The following RASA3 variants were observed in gnomAD, a reference collection of about 807,000 sequenced individuals.
RASA3 encodes the protein ras GTPase-activating protein 3.
Under a neutral mutation model 110.0 loss-of-function variants are expected in RASA3, and 73 were observed. The ratio of observed to expected loss-of-function variants is 0.66; its 90% CI spans 0.55 to 0.81. The LOEUF (loss-of-function observed/expected upper bound fraction) is 0.81, where lower values mean the gene tolerates loss of function less well. Ranked by LOEUF, RASA3 falls within the 30% of genes least tolerant of loss-of-function variation. The probability of loss-of-function intolerance (pLI) is 0.00; values close to 1 mark genes in which losing one functional copy is unlikely to be tolerated. For missense variants in RASA3, 976 were observed against 1,113.2 expected, an observed-to-expected ratio of 0.88 and a Z score of 1.75; for synonymous variants, 500 against 451.4, an observed-to-expected ratio of 1.11 and a Z score of -1.37.
intron 4 of RASA3, among the ~76,000 whole-genome samples, chr13:114,035,242 G>A (rs1016343782): frequency 1.3e-5 from 2 of 152,240 alleles, no homozygotes; most frequent in South Asian, 2.1e-4. Flanking sequence ...AGGCTACTAA[G>A]AGCAAAAGGG....
At chr13:114,131,705 AGCACACAC>A (rs1489970208) in intron 1 of RASA3, among the ~76,000 whole-genome samples, 1 of 152,226 alleles carries the variant, frequency 6.6e-6, no homozygotes, top group Non-Finnish European at 1.5e-5. Context: ...ACGCCCCACC[AGCACACAC>A]GCACACATGC....
chr13:114,103,832 A>C (rs1594459447), intron 1 of RASA3, among the ~76,000 whole-genome samples: 1 of 23,524 alleles, frequency 4.3e-5, no homozygotes, highest in Non-Finnish European at 7.5e-5. Context: ...CCGACCACAG[A>C]CACCCACCCC....
chr13:113,996,976 C>G (rs1256973718), intron 20 of RASA3, among the ~76,000 whole-genome samples: 1 of 152,360 alleles, frequency 6.6e-6, no homozygotes, highest in Non-Finnish European at 1.5e-5. Flanking sequence ...GAGGTGAGAA[C>G]TGGTGCAGCT....
Position 114,052,075 on chromosome 13 carries a change from AC to A in RASA3, c.253del (p.Val85PhefsTer8). 1 of 1,610,928 alleles carries A rather than the reference AC, an allele frequency of 6.2e-7. No homozygotes were observed. The highest frequency in any genetic ancestry group is 8.5e-7 in the Non-Finnish European group (1 of 1,177,448). ...HLSFYIFDRD[V>X]FRRDSIIGKV... Reference sequence around the variant, plus strand: ...ACCTATGATGGAATCCCTCCGGAAAACGTCTCTATCGAAAATGTAGAAGGAC... The same window carrying A: ...ACCTATGATGGAATCCCTCCGGAAAAGTCTCTATCGAAAATGTAGAAGGAC... On this transcript the variant is annotated frameshift_variant, in exon 3 of 24. Transcript: ENST00000334062. LOFTEE classifies it high-confidence loss of function.
chr13:114,080,461 C>T (rs145708239), intron 1 of RASA3, among the ~76,000 whole-genome samples: 130 of 152,286 alleles, frequency 8.5e-4, no homozygotes, highest in Non-Finnish European at 1.5e-3. Flanking sequence ...CAGCTCCCTC[C>T]AGTCTCCACG....
intron 18 of RASA3, 121 bp from the exon 19 acceptor site, chr13:114,001,053 C>T (rs1431634911): frequency 5.7e-6 from 4 of 696,222 alleles, no homozygotes; most frequent in Non-Finnish European, 1.0e-5. Context: ...TTTTCAATAT[C>T]TTATCATTTT....
Position 114,096,161 on chromosome 13 carries a change from A to G in RASA3, c.56-22324T>C, listed in dbSNP as rs922807638. On this transcript the variant is annotated intron_variant, in intron 1 of 23. Coordinates refer to ENST00000334062, the MANE Select transcript of RASA3 (RefSeq NM_007368.4). This position sits in a 1 kb window ranked among gnomAD's most constrained non-coding sequence, Gnocchi z 5.1. ...CCTGGGTGGCATCGGTGTGCCGGAAAAGGGGTGCTCTCCAGGTGGCCCTGG... is the reference window on the plus strand; with the variant it reads ...CCTGGGTGGCATCGGTGTGCCGGAAGAGGGGTGCTCTCCAGGTGGCCCTGG... Among the ~76,000 whole-genome samples, 12 of 151,972 alleles carry G rather than the reference A, an allele frequency of 7.9e-5. No individual in the cohort carries two copies. Among genetic ancestry groups the G allele is most frequent in the Non-Finnish European group, 1.3e-4 (9 of 67,976 alleles).
intron 14 of RASA3, among the ~76,000 whole-genome samples, chr13:114,013,846 ATCTC>A (rs541590067): frequency 0.26 from 14,839 of 57,722 alleles, 1,734 homozygotes; most frequent in Non-Finnish European, 0.32. Flanking sequence ...CTCTCTCTCC[ATCTC>A]TCTGTCTCTC....
At chr13:114,030,453 G>GACTCAC (rs1566501670) in intron 4 of RASA3, among the ~76,000 whole-genome samples, 11 of 110,184 alleles carry the variant, frequency 1.0e-4, no homozygotes, top group African/African-American at 3.5e-4. Flanking sequence ...CAGAGGGCAA[G>GACTCAC]GCTCACACAG....
intron 1 of RASA3, among the ~76,000 whole-genome samples, chr13:114,088,925 C>A (rs1395251054): frequency 6.6e-6 from 1 of 152,110 alleles, no homozygotes; most frequent in Admixed American, 6.5e-5. Flanking sequence ...ATTATGGAAA[C>A]AAAGTAGAGA....
intron 22 of RASA3, among the ~76,000 whole-genome samples, chr13:113,991,863 T>C (rs1330728504): frequency 1.3e-5 from 2 of 152,210 alleles, no homozygotes; most frequent in South Asian, 2.1e-4. Flanking sequence ...CACAAATTCA[T>C]GCATGCTCAC....
At chr13:114,022,168 G>A (rs1406190008) in intron 8 of RASA3, among the ~76,000 whole-genome samples, 3 of 152,278 alleles carry the variant, frequency 2.0e-5, no homozygotes, top group South Asian at 4.1e-4. Context: ...CACGGTCCAC[G>A]AATCTCCGTG....
At chr13:113,992,740 C>T (rs567832159) in intron 21 of RASA3, 152 bp from the exon 22 acceptor site, 6 of 673,866 alleles carry the variant, frequency 8.9e-6, no homozygotes, top group Non-Finnish European at 1.3e-5. Context: ...CGTCTGTGCA[C>T]AGCCGGTGTG....
At chr13:114,090,827 G>A (rs916051494) in intron 1 of RASA3, among the ~76,000 whole-genome samples, 22 of 152,300 alleles carry the variant, frequency 1.4e-4, no homozygotes, top group African/African-American at 5.3e-4. Flanking sequence ...AATACAAGAG[G>A]TTCCAGAGCC....
chr13:114,081,610 A>C (rs1467639890), intron 1 of RASA3, among the ~76,000 whole-genome samples: 1 of 152,176 alleles, frequency 6.6e-6, no homozygotes, highest in Admixed American at 6.5e-5. Flanking sequence ...CACTCTTATA[A>C]ACAGGTAATA....
chr13:114,072,627 C>T (rs564319071), intron 2 of RASA3, among the ~76,000 whole-genome samples: 27 of 152,262 alleles, frequency 1.8e-4, no homozygotes, highest in African/African-American at 5.8e-4. Context: ...GCAGGGGGAC[C>T]GCCGCCTACA....
chr13:113,989,965 G>A (rs959800453), intron 22 of RASA3, among the ~76,000 whole-genome samples: 1 of 152,232 alleles, frequency 6.6e-6, no homozygotes, highest in African/African-American at 2.4e-5. Context: ...TGTTGGAGGA[G>A]GGGCCTGGAG....
chr13:114,007,747 C>T (rs912849524), intron 17 of RASA3, 141 bp from the exon 18 acceptor site: 6 of 718,566 alleles, frequency 8.3e-6, no homozygotes, highest in Admixed American at 8.2e-5. Context: ...AGTCCTTCCC[C>T]GAGGGCTGTG....
chr13:114,016,824 G>A (rs1169042446), intron 12 of RASA3, among the ~76,000 whole-genome samples: 2 of 152,180 alleles, frequency 1.3e-5, no homozygotes, highest in African/African-American at 2.4e-5. Flanking sequence ...ACAGCCTGGC[G>A]GGCATCAGAG....
Sources: allele counts gnomAD v4.1 joint callset (sites outside exome capture counted in the v4.1 genomes callset), GRCh38; gene constraint gnomAD v4.1.1; non-coding constraint Gnocchi (gnomAD v3.1); transcripts MANE v1.5; gene names NCBI Gene and HGNC (gene_info 2026-07-23, HGNC 2026-07-21).